The following WASHC2A variants were observed in gnomAD, a reference collection of about 807,000 sequenced individuals.
WASHC2A encodes WASH complex subunit FAM21A.
In WASHC2A, 82 loss-of-function variants were observed where a neutral mutation model predicts 140.3. The ratio of observed to expected loss-of-function variants is 0.58; its 90% CI spans 0.49 to 0.70. The LOEUF (loss-of-function observed/expected upper bound fraction) is 0.70. Among genes scored for constraint, WASHC2A ranks in the 30% least tolerant of loss-of-function variants. The pLI, the probability that WASHC2A is intolerant of heterozygous loss-of-function variation, is 0.00. For missense variants in WASHC2A, 985 were observed against 1,521.8 expected (o/e 0.65, Z 5.87); for synonymous variants, 340 against 560.8 (o/e 0.61, Z 5.56).
chr10:50,126,157 T>C lies in WASHC2A; in HGVS notation c.2789T>C (p.Ile930Thr), dbSNP rs1843409871. ...ATTCAAGGTAGTAAAGAAAAAGGCA[T>C]ATGGAAGCCGGAAACACCTCAGGTT... ...ESIQGSKEKGIWKPETPQDSS... is the reference protein window; with the variant it reads ...ESIQGSKEKGTWKPETPQDSS... Residue 930 changes from isoleucine to threonine, a missense_variant, in exon 26 of 31, where the codon ATA becomes ACA. Ile to Thr is a moderately conservative substitution (Grantham distance 89). Coordinates refer to ENST00000282633, the MANE Select transcript of WASHC2A (RefSeq NM_001005751.3). 1 of 1,613,492 alleles carries C rather than the reference T, an allele frequency of 6.2e-7. No individual in the cohort carries two copies. The highest frequency in any genetic ancestry group is 8.5e-7 in the Non-Finnish European group (1 of 1,179,686).
chr10:50,112,258 C>A, intron 20 of WASHC2A: 1 of 938,778 alleles, frequency 1.1e-6, no homozygotes. Context: ...AGCCACACAC[C>A]ATACCTGGCT....
intron 2 of WASHC2A, among the ~76,000 whole-genome samples, chr10:50,068,780 T>C (rs879991775): frequency 4.7e-5 from 7 of 150,048 alleles, no homozygotes; most frequent in Non-Finnish European, 1.0e-4. Context: ...GCAAGTGGCT[T>C]GATCTTGGCT....
At position 50,129,965 on chromosome 10, in the gene WASHC2A, C is replaced by T. The variant is rs1330147893; in HGVS notation, c.3634C>T (p.Gln1212Ter). The change falls in exon 29 of 31, where the codon CAG (glutamine) becomes TAG (stop). Residue 1212 changes from glutamine (Q) to a stop codon, truncating the protein, a stop_gained. Coordinates refer to ENST00000282633, the MANE Select transcript of WASHC2A (RefSeq NM_001005751.3). LOFTEE classifies it high-confidence loss of function. ...AGATGAGGATGACCTCTTTACAGAT[C>T]AGAAAGTCAAGAAGAATGAGACAAA... is the stretch of plus-strand genomic sequence containing the variant. ...LEDEDDLFTD[Q>*]KVKKNETKSN... 1.2e-6 allele frequency: 2 copies of T among 1,611,804 alleles called. No individual in the cohort carries two copies. The highest frequency in any genetic ancestry group is 2.7e-5 in the African/African-American group (2 of 74,834).
At chr10:50,090,237 C>T (rs1443487647) in intron 8 of WASHC2A, among the ~76,000 whole-genome samples, 4 of 150,408 alleles carry the variant, frequency 2.7e-5, no homozygotes, top group South Asian at 2.1e-4. Context: ...CTTGGTGGCT[C>T]ACGCCTGTAA....
At chr10:50,132,538 G>C (rs1372386394) in intron 30 of WASHC2A, among the ~76,000 whole-genome samples, 2 of 152,176 alleles carry the variant, frequency 1.3e-5, no homozygotes, top group African/African-American at 2.4e-5. Context: ...ATCAAGTTAC[G>C]CTTCCCTTTT....
intron 5 of WASHC2A, among the ~76,000 whole-genome samples, chr10:50,081,779 C>A (rs1417307820): frequency 6.6e-6 from 1 of 151,616 alleles, no homozygotes; most frequent in Non-Finnish European, 1.5e-5. Context: ...ATTACAGGCG[C>A]CCACCACCAC....
At chr10:50,074,680 C>T (rs1462818963) in intron 3 of WASHC2A, among the ~76,000 whole-genome samples, 1 of 152,024 alleles carries the variant, frequency 6.6e-6, no homozygotes, top group Non-Finnish European at 1.5e-5. Context: ...TTTGGGAGGC[C>T]GAGGTGGGCG....
intron 26 of WASHC2A, among the ~76,000 whole-genome samples, chr10:50,126,738 G>A (rs1430649064): frequency 6.6e-6 from 1 of 151,494 alleles, no homozygotes; most frequent in Non-Finnish European, 1.5e-5. Context: ...GCACTTGGAC[G>A]AACACATCAC....
intron 3 of WASHC2A, among the ~76,000 whole-genome samples, chr10:50,072,542 A>G (rs1177148469): frequency 8.3e-6 from 1 of 120,330 alleles, no homozygotes; most frequent in South Asian, 2.9e-4. Flanking sequence ...ACTGGAGTGC[A>G]GTGGTGCAAT....
intron 4 of WASHC2A, among the ~76,000 whole-genome samples, chr10:50,080,295 T>C (rs1838780468): frequency 6.6e-6 from 1 of 152,124 alleles, no homozygotes; most frequent in African/African-American, 2.4e-5. Flanking sequence ...AATTGTCCAG[T>C]ATTTTTTTTT....
intron 25 of WASHC2A, 75 bp downstream of exon 25, chr10:50,125,524 C>T: frequency 3.1e-6 from 5 of 1,611,292 alleles, no homozygotes; most frequent in Non-Finnish European, 2.5e-6. Flanking sequence ...CCAGTTAGAT[C>T]ATTAAGGAAA....
chr10:50,094,445 G>A (rs1479397615), intron 13 of WASHC2A, among the ~76,000 whole-genome samples: 1 of 150,348 alleles, frequency 6.7e-6, no homozygotes, highest in Non-Finnish European at 1.5e-5. Flanking sequence ...TAGGAATACA[G>A]GCATGAGCCA....
intron 8 of WASHC2A, among the ~76,000 whole-genome samples, chr10:50,088,456 C>T (rs1554881710): frequency 6.6e-6 from 1 of 151,322 alleles, no homozygotes; most frequent in African/African-American, 2.4e-5. Flanking sequence ...TTAGTGGAGT[C>T]AGGGTCTTCC....
chr10:50,132,856 C>A lies in WASHC2A; in HGVS notation c.3937C>A (p.Arg1313=), dbSNP rs373425024. Residue 1313 remains arginine (R), a synonymous_variant, in exon 31 of 31, where the codon CGA becomes AGA. Transcript: ENST00000282633. ...IQAKTTKPKS[R]SAQAAPEPRF... Reference sequence around the variant, plus strand: ...GGCTAAGACAACCAAACCAAAAAGCCGATCTGCACAGGCCGCACCTGAACC... The same window carrying A: ...GGCTAAGACAACCAAACCAAAAAGCAGATCTGCACAGGCCGCACCTGAACC... 9.8e-5 allele frequency: 158 copies of A among 1,611,918 alleles called. No homozygotes were observed. The African/African-American group carries it at 1.9e-3, about 19-fold the overall frequency.
chr10:50,132,154 C>T (rs375311421), intron 30 of WASHC2A, among the ~76,000 whole-genome samples: 41,962 of 151,488 alleles, frequency 0.28, 5,022 homozygotes, highest in Middle Eastern at 0.39. Flanking sequence ...AGCCTGTTGA[C>T]GGCAATCTCA....
chr10:50,106,349 G>A lies in WASHC2A; in HGVS notation c.1753G>A (p.Gly585Ser), dbSNP rs781879236. ...DEDEEDNLFG[G>S]TAAKKQTLCL... ...GCTTTTCTAGGATAATCTTTTTGGGGGTACAGCTGCTAAGAAGCAGACATT... is the reference window on the plus strand; with the variant it reads ...GCTTTTCTAGGATAATCTTTTTGGGAGTACAGCTGCTAAGAAGCAGACATT... The change falls in exon 19 of 31, where the codon GGT (glycine) becomes AGT (serine). Residue 585 changes from glycine (G) to serine (S), a missense_variant. Coordinates refer to ENST00000282633, the MANE Select transcript of WASHC2A (RefSeq NM_001005751.3). 12 of 1,611,694 alleles carry A rather than the reference G, an allele frequency of 7.4e-6. No homozygotes were observed. The South Asian group carries it at 7.7e-5, about 10-fold the overall frequency.
intron 5 of WASHC2A, among the ~76,000 whole-genome samples, chr10:50,081,537 GTC>G (rs1838877243): frequency 1.5e-5 from 2 of 137,580 alleles, no homozygotes; most frequent in South Asian, 2.5e-4. Context: ...GTGACACAGA[GTC>G]TCTCGGTAGT....
At chr10:50,131,265 C>G in intron 30 of WASHC2A, 187 bp downstream of exon 30, 1 of 730,042 alleles carries the variant, frequency 1.4e-6, no homozygotes, top group Non-Finnish European at 2.5e-6. Flanking sequence ...TAACTCTTTC[C>G]TATGATAGTC....
In WASHC2A at chr10:50,127,783, C is replaced by T; in HGVS notation, c.3075C>T (p.His1025=). 1 of 1,493,688 alleles carries T rather than the reference C, an allele frequency of 6.7e-7. No homozygotes were observed. The highest frequency in any genetic ancestry group is 9.1e-7 in the Non-Finnish European group (1 of 1,096,268). The allele number at this position is 1,493,688 out of a possible 1,614,324, so 92.5% of individuals were successfully genotyped here. ...FDLPAQADTL[H]SANKSRVKMR... is the part of the protein sequence containing the mutation. The stretch of plus-strand genomic sequence containing the variant: ...TTCCAGCTCAGGCAGACACCTTACA[C>T]AGTGCAAACAAGGTGATGAAACCAT... Residue 1025 remains histidine, a synonymous_variant, in exon 28 of 31, where the codon CAC becomes CAT. Transcript: ENST00000282633.
Sources: allele counts gnomAD v4.1 joint callset (sites outside exome capture counted in the v4.1 genomes callset), GRCh38; gene constraint gnomAD v4.1.1; transcripts MANE v1.5; gene names NCBI Gene and HGNC (gene_info 2026-07-23, HGNC 2026-07-21).